The following NME7 variants were observed in gnomAD, a reference collection of about 807,000 sequenced individuals.
NME7 encodes the protein nucleoside diphosphate kinase 7.
NME7 carries 41 observed loss-of-function variants against 49.1 expected under a neutral mutation model. That is an observed-to-expected ratio of 0.83 (90% confidence interval 0.65 to 1.08). NME7 has a LOEUF of 1.08. Ranked by LOEUF, NME7 falls within the 50% of genes least tolerant of loss-of-function variation. The pLI, the probability that NME7 is intolerant of heterozygous loss-of-function variation, is 0.00. For synonymous variants in NME7, 139 were observed against 150.6 expected (o/e 0.92, Z 0.56); for missense variants, 423 against 463.4 (o/e 0.91, Z 0.80).
rs186384102 is a variant in NME7 at position 169,276,082 on chromosome 1, A to G, written c.754+11221T>C. On this transcript the variant is annotated intron_variant, in intron 7 of 11. Coordinates refer to ENST00000367811, the MANE Select transcript of NME7 (RefSeq NM_013330.5). ...GCTTTTTGATGTGCTTGCTGGATTCAGTTTGCCAGTATTTTATTGAGGATT... is the reference window on the plus strand; with the variant it reads ...GCTTTTTGATGTGCTTGCTGGATTCGGTTTGCCAGTATTTTATTGAGGATT... Among the ~76,000 whole-genome samples, 373 of 134,026 alleles carry G rather than the reference A, an allele frequency of 2.8e-3. 30 individuals are homozygous for G. Among genetic ancestry groups the G allele is most frequent in the African/African-American group, 9.3e-3 (368 of 39,634 alleles). The allele number at this position is 134,026 out of a possible 152,430, so 87.9% of individuals were successfully genotyped here.
chr1:169,366,042 A>G (rs1653839496), intron 1 of NME7, among the ~76,000 whole-genome samples: 1 of 152,230 alleles, frequency 6.6e-6, no homozygotes, highest in Non-Finnish European at 1.5e-5. Flanking sequence ...AGGCATTAGT[A>G]GATCTGAGAG....
chr1:169,244,566 G>A (rs1648230876), intron 7 of NME7, among the ~76,000 whole-genome samples: 1 of 150,182 alleles, frequency 6.7e-6, no homozygotes, highest in Non-Finnish European at 1.5e-5. Flanking sequence ...AACCTGGGAG[G>A]CGGAGCTTTC....
intron 11 of NME7, among the ~76,000 whole-genome samples, chr1:169,134,160 C>T (rs1157238342): frequency 6.6e-6 from 1 of 152,210 alleles, no homozygotes; most frequent in East Asian, 1.9e-4. Context: ...CAGATACCTA[C>T]CATATGCCAA....
intron 7 of NME7, among the ~76,000 whole-genome samples, chr1:169,251,769 T>C (rs373414412): frequency 0.012 from 1,663 of 144,212 alleles, 16 homozygotes; most frequent in Non-Finnish European, 0.018. Context: ...GTCCATGTGA[T>C]CTCATTGTTC....
At chr1:169,173,095 G>C (rs1659651440) in intron 10 of NME7, among the ~76,000 whole-genome samples, 1 of 152,140 alleles carries the variant, frequency 6.6e-6, no homozygotes, top group African/African-American at 2.4e-5. Flanking sequence ...AGGCTCTCTG[G>C]ATTTGAATTT....
intron 11 of NME7, 69 bp from the exon 12 acceptor site, chr1:169,132,886 A>AGAG (rs1273272812): frequency 7.3e-7 from 1 of 1,364,904 alleles, no homozygotes; most frequent in Non-Finnish European, 1.0e-6. Flanking sequence ...ACAGAGTCCA[A>AGAG]GAGGTTGGTC....
At chr1:169,299,224 C>T (rs1650832590) in intron 5 of NME7, among the ~76,000 whole-genome samples, 1 of 151,838 alleles carries the variant, frequency 6.6e-6, no homozygotes. Context: ...AATTCAAAGA[C>T]TGACAAAGAA....
At chr1:169,225,760 T>C (rs1458447428) in intron 10 of NME7, among the ~76,000 whole-genome samples, 3 of 152,168 alleles carry the variant, frequency 2.0e-5, no homozygotes, top group African/African-American at 7.2e-5. Flanking sequence ...GAAAAAAATT[T>C]TGTTAATACA....
chr1:169,365,441 G>C (rs1225312276), intron 1 of NME7, among the ~76,000 whole-genome samples: 2 of 152,222 alleles, frequency 1.3e-5, no homozygotes, highest in Non-Finnish European at 2.9e-5. Flanking sequence ...AGCAACAAGA[G>C]GGTGCAAGTA....
chr1:169,282,669 A>G (rs1650074005), intron 7 of NME7, among the ~76,000 whole-genome samples: 1 of 152,184 alleles, frequency 6.6e-6, no homozygotes, highest in Admixed American at 6.6e-5. Flanking sequence ...CATTGGTTTC[A>G]AAGAACATCT....
intron 10 of NME7, among the ~76,000 whole-genome samples, chr1:169,198,917 T>C (rs918943584): frequency 9.9e-5 from 15 of 152,272 alleles, no homozygotes; most frequent in African/African-American, 3.6e-4. Flanking sequence ...TTTTCTTATT[T>C]TCCTTTTTAA....
intron 11 of NME7, among the ~76,000 whole-genome samples, chr1:169,141,720 A>G (rs1658600530): frequency 6.6e-6 from 1 of 152,242 alleles, no homozygotes; most frequent in African/African-American, 2.4e-5. Flanking sequence ...AGAGTTAGAA[A>G]ATAGAAATAA....
intron 1 of NME7, among the ~76,000 whole-genome samples, chr1:169,353,088 C>A (rs1254845004): frequency 1.3e-5 from 2 of 151,840 alleles, no homozygotes; most frequent in Admixed American, 6.6e-5. Flanking sequence ...ATAGCCAAAA[C>A]CATCCTAAGT....
intron 3 of NME7, among the ~76,000 whole-genome samples, chr1:169,316,104 A>G (rs1361528373): frequency 6.6e-6 from 1 of 152,110 alleles, no homozygotes; most frequent in Non-Finnish European, 1.5e-5. Context: ...AAATATTCTA[A>G]AAGGACAGGT....
intron 4 of NME7, among the ~76,000 whole-genome samples, chr1:169,303,890 A>AT (rs1358272082): frequency 1.3e-5 from 2 of 151,998 alleles, no homozygotes; most frequent in South Asian, 2.1e-4. Flanking sequence ...AAAATTTGTC[A>AT]TTTTTTTCCA....
chr1:169,322,840 C>T (rs917411122), intron 3 of NME7, among the ~76,000 whole-genome samples: 5 of 152,014 alleles, frequency 3.3e-5, no homozygotes, highest in Admixed American at 6.5e-5. Context: ...AATTGTGATT[C>T]ATTAATTCGT....
In NME7 at chr1:169,274,409, T is replaced by C. The variant is rs1245720419; in HGVS notation, c.754+12894A>G. On this transcript the variant is annotated intron_variant, in intron 7 of 11. Coordinates refer to ENST00000367811, the MANE Select transcript of NME7 (RefSeq NM_013330.5). Reference sequence around the variant, plus strand: ...AGGTTGCGAAAATTTTCTCCCATTTTGTAGGTTGCCTGTTCACTCTGATGG... The same window carrying C: ...AGGTTGCGAAAATTTTCTCCCATTTCGTAGGTTGCCTGTTCACTCTGATGG... Among the ~76,000 whole-genome samples, 3 of 133,464 alleles carry C rather than the reference T, an allele frequency of 2.2e-5. 1 individual carries two copies. Among genetic ancestry groups the C allele is most frequent in the Non-Finnish European group, 5.3e-5 (3 of 56,836 alleles). The allele number at this position is 133,464 out of a possible 152,430, so 87.6% of individuals were successfully genotyped here.
chr1:169,278,470 T>A (rs917082965), intron 7 of NME7, among the ~76,000 whole-genome samples: 1 of 152,302 alleles, frequency 6.6e-6, no homozygotes, highest in Non-Finnish European at 1.5e-5. Context: ...TTCTTCCAGT[T>A]GATCGCATCG....
intron 10 of NME7, among the ~76,000 whole-genome samples, chr1:169,192,846 A>G (rs12076510): frequency 0.11 from 16,372 of 152,140 alleles, 2,081 homozygotes; most frequent in East Asian, 0.73. Flanking sequence ...TTTTAAACAA[A>G]TATATTAAAT....
Sources: allele counts gnomAD v4.1 joint callset (sites outside exome capture counted in the v4.1 genomes callset), GRCh38; gene constraint gnomAD v4.1.1; transcripts MANE v1.5; gene names NCBI Gene and HGNC (gene_info 2026-07-23, HGNC 2026-07-21).